The following NR3C2 variants were observed in gnomAD, a reference collection of about 807,000 sequenced individuals.
NR3C2 encodes mineralocorticoid receptor.
In NR3C2, 15 loss-of-function variants were observed where a neutral mutation model predicts 86.4. The ratio of observed to expected loss-of-function variants is 0.17; its 90% confidence interval spans 0.12 to 0.27. NR3C2 has a LOEUF of 0.27. Ranked by LOEUF, NR3C2 falls within the 10% of genes least tolerant of loss-of-function variation. The pLI is 1.00. For synonymous variants in NR3C2, 458 were observed against 450.5 expected (o/e 1.02, Z -0.21); for missense variants, 960 against 1,195.6 (o/e 0.80, Z 2.91).
intron 6 of NR3C2, among the ~76,000 whole-genome samples, chr4:148,144,125 A>G (rs1465222382): frequency 2.6e-5 from 4 of 152,122 alleles, no homozygotes; most frequent in African/African-American, 4.8e-5. Flanking sequence ...GTAACTCAGA[A>G]GCACCAATGC....
At chr4:148,263,451 C>T (rs1422093608) in intron 2 of NR3C2, among the ~76,000 whole-genome samples, 2 of 152,134 alleles carry the variant, frequency 1.3e-5, no homozygotes, top group African/African-American at 4.8e-5. Flanking sequence ...TGGTTCAGGC[C>T]CTTGTTACTT....
At chr4:148,300,315 G>T (rs1367832882) in intron 2 of NR3C2, among the ~76,000 whole-genome samples, 2 of 152,134 alleles carry the variant, frequency 1.3e-5, no homozygotes, top group African/African-American at 2.4e-5. Context: ...TCCACAAACA[G>T]CCCTGAATTT....
At chr4:148,428,732 C>T (rs1749665960) in intron 2 of NR3C2, among the ~76,000 whole-genome samples, 1 of 152,066 alleles carries the variant, frequency 6.6e-6, no homozygotes, top group Non-Finnish European at 1.5e-5. Context: ...TCTATTACCC[C>T]CAACATCTTT....
At chr4:148,423,106 GGCTCCTATCT>G (rs1296475704) in intron 2 of NR3C2, among the ~76,000 whole-genome samples, 2 of 151,736 alleles carry the variant, frequency 1.3e-5, no homozygotes, top group African/African-American at 2.4e-5. Flanking sequence ...CAACCAGTTG[GGCTCCTATCT>G]GCCTAAATTA....
In NR3C2 at chr4:148,149,862, G is replaced by A. The variant is rs149726696; in HGVS notation, c.2510+2607C>T. 2.3e-3 allele frequency among the ~76,000 whole-genome samples: 349 copies of A among 152,278 alleles called. 2 individuals are homozygous for A. Among genetic ancestry groups the A allele is most frequent in the African/African-American group, 8.0e-3 (333 of 41,550 alleles). On this transcript the variant is annotated intron_variant, in intron 6 of 8. Coordinates refer to ENST00000358102, the MANE Select transcript of NR3C2 (RefSeq NM_000901.5). ...AATGAAAACCATAGTGAGATACCACGTCATGCCTACTGGGATGGCTAGTTA... is the reference window on the plus strand; with the variant it reads ...AATGAAAACCATAGTGAGATACCACATCATGCCTACTGGGATGGCTAGTTA...
chr4:148,296,044 C>CAAAAAAAAAAAAAAAAA (rs529710200), intron 2 of NR3C2, among the ~76,000 whole-genome samples: 1 of 73,962 alleles, frequency 1.4e-5, no homozygotes, highest in African/African-American at 5.4e-5. Context: ...GAGCTGAGGC[C>CAAAAAAAAAAAAAAAAA]AAAAAAAAAA....
chr4:148,323,352 C>G (rs1384112849), intron 2 of NR3C2, among the ~76,000 whole-genome samples: 1 of 149,040 alleles, frequency 6.7e-6, no homozygotes, highest in Non-Finnish European at 1.5e-5. Context: ...GCCCTGCCCC[C>G]AGAGGTGGAG....
chr4:148,388,760 G>C (rs968448359), intron 2 of NR3C2, among the ~76,000 whole-genome samples: 3 of 152,210 alleles, frequency 2.0e-5, no homozygotes, highest in African/African-American at 7.2e-5. Flanking sequence ...AGAAGACCCA[G>C]TAGGGGTGGC....
intron 2 of NR3C2, among the ~76,000 whole-genome samples, chr4:148,393,349 A>G (rs1228948831): frequency 1.3e-5 from 2 of 152,212 alleles, no homozygotes; most frequent in Non-Finnish European, 2.9e-5. Context: ...CTTTGTGAAA[A>G]TGCTTACACC....
chr4:148,092,267 C>T (rs1186923858), intron 8 of NR3C2, among the ~76,000 whole-genome samples: 2 of 152,172 alleles, frequency 1.3e-5, no homozygotes, highest in African/African-American at 4.8e-5. Context: ...ATTTACTTAA[C>T]AATTAGCCTT....
rs543883468 is a variant in NR3C2, at chr4:148,154,805, G to T, written c.2111C>A (p.Pro704Gln). ...PPPPPPPPQSPEEGTTYIAPA... is the reference protein window; with the variant it reads ...PPPPPPPPQSQEEGTTYIAPA... ...AGCGATGTACGTTGTCCCTTCCTCT[G>T]GGCTTTGCGGGGGTGGGGGTGGGGG... is the stretch of plus-strand genomic sequence containing the variant. Residue 704 changes from proline to glutamine, a missense_variant, in exon 5 of 9, where the codon CCA becomes CAA. By Grantham distance (76) the Pro-to-Gln change is moderately conservative (BLOSUM62 -1). Around this residue, in one of 4 missense-constraint regions of NR3C2, gnomAD observed 82 missense variants for 73.0 expected, o/e 1.12. Coordinates refer to ENST00000358102, the MANE Select transcript of NR3C2 (RefSeq NM_000901.5). The T allele has an allele frequency of 1.9e-6, 3 of 1,596,830 alleles. No individual in the cohort carries two copies. Among genetic ancestry groups the T allele is most frequent in the Non-Finnish European group, 2.6e-6 (3 of 1,172,390 alleles).
In NR3C2 at chr4:148,244,807, C is replaced by A. The variant is rs538830697; in HGVS notation, c.1897+15171G>T. Among the ~76,000 whole-genome samples, 4 of 152,268 alleles carry A rather than the reference C, an allele frequency of 2.6e-5. No individual in the cohort carries two copies. In the South Asian group the frequency reaches 8.3e-4, roughly 32 times the overall value. On this transcript the variant is annotated intron_variant, in intron 3 of 8. Coordinates refer to ENST00000358102, the MANE Select transcript of NR3C2 (RefSeq NM_000901.5). ...TTGCAAGTTAGAATTTAAATTACTCCTTTTACAAAAATTACATTTAGGACT... is the reference window on the plus strand; with the variant it reads ...TTGCAAGTTAGAATTTAAATTACTCATTTTACAAAAATTACATTTAGGACT...
At chr4:148,194,599 A>G in intron 4 of NR3C2, 147 bp downstream of exon 4, 1 of 625,572 alleles carries the variant, frequency 1.6e-6, no homozygotes, top group Non-Finnish European at 2.8e-6. Flanking sequence ...CTCTTCTAAA[A>G]TGTTTTAGCA....
In NR3C2 at chr4:148,435,274, A is replaced by T; in HGVS notation, c.1587T>A (p.Ala529=). 3 of 1,614,182 alleles carry T rather than the reference A, an allele frequency of 1.9e-6. No homozygotes were observed. The highest frequency in any genetic ancestry group is 1.7e-6 in the Non-Finnish European group (2 of 1,180,042). ...ATCGTGATAAAGATATTGTACCTTG[A>T]GCACCAATCCTGTAGTGGAAGGACT... ...GGQSFHYRIG[A]QGTISLSRSA... The change falls in exon 2 of 9, where the codon GCT becomes GCA. Residue 529 remains alanine (A), a synonymous_variant. Coordinates refer to ENST00000358102, the MANE Select transcript of NR3C2 (RefSeq NM_000901.5).
chr4:148,426,573 CT>C (rs1202621816), intron 2 of NR3C2, among the ~76,000 whole-genome samples: 1 of 152,196 alleles, frequency 6.6e-6, no homozygotes, highest in African/African-American at 2.4e-5. Context: ...GCATCTATGA[CT>C]TAAGCACGAT....
At chr4:148,283,377 G>A (rs977915776) in intron 2 of NR3C2, among the ~76,000 whole-genome samples, 2 of 152,152 alleles carry the variant, frequency 1.3e-5, no homozygotes, top group African/African-American at 4.8e-5. Context: ...ACAACCCTCA[G>A]AATTTACAGT....
intron 2 of NR3C2, among the ~76,000 whole-genome samples, chr4:148,298,198 T>C (rs914715776): frequency 3.3e-5 from 5 of 152,348 alleles, no homozygotes; most frequent in South Asian, 2.1e-4. Flanking sequence ...AACTGTAGTA[T>C]ATTCAATGGA....
chr4:148,361,678 G>A (rs1745844905), intron 2 of NR3C2, among the ~76,000 whole-genome samples: 1 of 152,092 alleles, frequency 6.6e-6, no homozygotes, highest in Admixed American at 6.6e-5. Context: ...CCTGATCCGG[G>A]ACTATCACAG....
intron 2 of NR3C2, among the ~76,000 whole-genome samples, chr4:148,375,600 G>C (rs1746637109): frequency 6.6e-6 from 1 of 151,900 alleles, no homozygotes; most frequent in African/African-American, 2.4e-5. Flanking sequence ...TTTTTTGTGA[G>C]AGGCATGTCA....
Sources: gnomAD v4.1 joint callset for allele counts (sites outside exome capture counted in the v4.1 genomes callset) on GRCh38, gnomAD v4.1.1 for gene constraint, gnomAD v4.1.1 regional missense constraint, MANE v1.5 for transcripts, NCBI Gene and HGNC (gene_info 2026-07-23, HGNC 2026-07-21) for gene names.